GNAT3: variants seen among roughly 807,000 people sequenced by gnomAD.
GNAT3 encodes G protein subunit alpha transducin 3, also known as guanine nucleotide-binding protein G(t) subunit alpha-3.
GNAT3 carries 31 observed loss-of-function variants against 37.7 expected under a neutral mutation model. The ratio of observed to expected loss-of-function variants is 0.82; its 90% confidence interval spans 0.62 to 1.11. The LOEUF (loss-of-function observed/expected upper bound fraction) is 1.11, where lower values mean the gene tolerates loss of function less well. GNAT3 is among the 50% of genes most tolerant of loss of function. The pLI, the probability that GNAT3 is intolerant of heterozygous loss-of-function variation, is 0.00. For missense variants in GNAT3, 437 were observed against 412.5 expected (o/e 1.06, Z -0.51); for synonymous variants, 138 against 139.8 (o/e 0.99, Z 0.09).
rs142644369 is a variant in GNAT3 at position 80,496,226 on chromosome 7, G to A, written c.119-1579C>T. ...GCTCACTGCAACCTTTGCCTCCTGG[G>A]TTCAAGCGATTCTCCTGCCTCAGCC... On this transcript the variant is annotated intron_variant, in intron 1 of 7. Coordinates refer to ENST00000398291, the MANE Select transcript of GNAT3 (RefSeq NM_001102386.3). Among the ~76,000 whole-genome samples the A allele has an allele frequency of 5.0e-3, 763 of 152,276 alleles. 6 individuals carry two copies. The highest frequency in any genetic ancestry group is 0.018 in the African/African-American group (733 of 41,556).
At chr7:80,494,380 C>G (rs1775246041) in intron 2 of GNAT3, among the ~76,000 whole-genome samples, 1 of 152,062 alleles carries the variant, frequency 6.6e-6, no homozygotes, top group Non-Finnish European at 1.5e-5. Context: ...AAGCATTTGT[C>G]TTATTGAGAG....
chr7:80,495,550 A>AC (rs1456298338), intron 1 of GNAT3, among the ~76,000 whole-genome samples: 3 of 150,526 alleles, frequency 2.0e-5, no homozygotes, highest in African/African-American at 7.4e-5. Context: ...GCTCACTGCG[A>AC]CCTCCACCTC....
intron 5 of GNAT3, among the ~76,000 whole-genome samples, chr7:80,472,268 A>G (rs1021386686): frequency 6.6e-6 from 1 of 152,074 alleles, no homozygotes; most frequent in African/African-American, 2.4e-5. Context: ...GTTGACTGAA[A>G]TTGACCATGG....
At chr7:80,459,004 G>A in intron 7 of GNAT3, 143 bp from the exon 8 acceptor site, 4 of 606,086 alleles carry the variant, frequency 6.6e-6, no homozygotes, top group Non-Finnish European at 1.1e-5. Context: ...AATTATCAGG[G>A]TGCTGGGAAC....
intron 5 of GNAT3, among the ~76,000 whole-genome samples, chr7:80,472,809 A>T (rs569411422): frequency 6.6e-6 from 1 of 152,294 alleles, no homozygotes; most frequent in Non-Finnish European, 1.5e-5. Flanking sequence ...CAACAAACTC[A>T]TTAGGCAAGC....
chr7:80,464,046 C>A (rs912094533), intron 5 of GNAT3, among the ~76,000 whole-genome samples: 1 of 151,584 alleles, frequency 6.6e-6, no homozygotes, highest in African/African-American at 2.4e-5. Context: ...ATATGCCAGG[C>A]ACCAAGGATT....
chr7:80,488,151 T>C (rs1790523605), intron 3 of GNAT3, among the ~76,000 whole-genome samples: 2 of 152,162 alleles, frequency 1.3e-5, no homozygotes, highest in Admixed American at 6.6e-5. Context: ...ATAATTGTTA[T>C]GTTATTAAAC....
At chr7:80,498,085 T>C (rs950206731) in intron 1 of GNAT3, among the ~76,000 whole-genome samples, 1 of 152,162 alleles carries the variant, frequency 6.6e-6, no homozygotes, top group Non-Finnish European at 1.5e-5. Context: ...TATATGTTAT[T>C]GACTAGTTGA....
chr7:80,501,745 TGATTA>T (rs750276064), intron 1 of GNAT3, among the ~76,000 whole-genome samples: 16 of 151,956 alleles, frequency 1.1e-4, no homozygotes, highest in Non-Finnish European at 2.4e-4. Flanking sequence ...CTGTATTCTC[TGATTA>T]GATTCAATGT....
intron 1 of GNAT3, among the ~76,000 whole-genome samples, chr7:80,507,835 A>G (rs1023860043): frequency 6.6e-6 from 1 of 152,054 alleles, no homozygotes; most frequent in African/African-American, 2.4e-5. Flanking sequence ...CAGAATATCC[A>G]TTTGTTGAAT....
At chr7:80,477,932 A>G (rs1379825497) in intron 4 of GNAT3, among the ~76,000 whole-genome samples, 3 of 152,188 alleles carry the variant, frequency 2.0e-5, no homozygotes, top group Non-Finnish European at 4.4e-5. Context: ...TAATTTGGTG[A>G]CAGGGTCTTG....
At position 80,462,548 on chromosome 7, in the gene GNAT3, G is replaced by T. The variant is rs768484895; in HGVS notation, c.674C>A (p.Ala225Asp). 11 of 1,613,388 alleles carry T rather than the reference G, an allele frequency of 6.8e-6. No individual in the cohort carries two copies. Among genetic ancestry groups the T allele is most frequent in the East Asian group, 2.2e-5 (1 of 44,856 alleles). The change falls in exon 6 of 8, where the codon GCT becomes GAT. Residue 225 changes from alanine (A) to aspartate (D), a missense_variant. Coordinates refer to ENST00000398291, the MANE Select transcript of GNAT3 (RefSeq NM_001102386.3). ...FEGVTCIIFC[A>D]ALSAYDMVLV... is the part of the protein sequence containing the mutation. ...GACCATGTCATAGGCACTAAGTGCAGCACAAAATATAATGCATGTAACTCC... is the reference window on the plus strand; with the variant it reads ...GACCATGTCATAGGCACTAAGTGCATCACAAAATATAATGCATGTAACTCC...
chr7:80,489,743 A>G (rs570304479), intron 2 of GNAT3, among the ~76,000 whole-genome samples: 47 of 152,262 alleles, frequency 3.1e-4, no homozygotes, highest in African/African-American at 1.1e-3. Context: ...AAGTAAATAA[A>G]ATAGACAAAG....
intron 5 of GNAT3, 76 bp downstream of exon 5, chr7:80,474,175 A>G (rs1485857985): frequency 7.0e-7 from 1 of 1,419,106 alleles, no homozygotes; most frequent in Non-Finnish European, 9.7e-7. Context: ...AACATGGGCT[A>G]GAGCTTTTCT....
chr7:80,469,124 A>G (rs1331093110), intron 5 of GNAT3, among the ~76,000 whole-genome samples: 2 of 152,144 alleles, frequency 1.3e-5, no homozygotes, highest in African/African-American at 4.8e-5. Context: ...CATATGCCAC[A>G]CAAATGACCA....
chr7:80,463,126 A>T (rs765892850), intron 5 of GNAT3, among the ~76,000 whole-genome samples: 1 of 152,174 alleles, frequency 6.6e-6, no homozygotes, highest in Non-Finnish European at 1.5e-5. Context: ...AGATGAAAAG[A>T]TATGGTCCCT....
chr7:80,476,180 C>T (rs1790298969), intron 4 of GNAT3, among the ~76,000 whole-genome samples: 1 of 151,544 alleles, frequency 6.6e-6, no homozygotes, highest in African/African-American at 2.4e-5. Flanking sequence ...CATTTATTTG[C>T]ATGTATGAAT....
chr7:80,489,270 C>G (rs1040201525), intron 2 of GNAT3, among the ~76,000 whole-genome samples: 5 of 152,148 alleles, frequency 3.3e-5, no homozygotes, highest in Non-Finnish European at 7.4e-5. Flanking sequence ...GAACTCTTCT[C>G]TACCTTCCAC....
intron 1 of GNAT3, among the ~76,000 whole-genome samples, chr7:80,497,593 C>CGTATATACATATAA (rs1790748357): frequency 7.6e-6 from 1 of 131,720 alleles, no homozygotes; most frequent in Non-Finnish European, 1.6e-5. Context: ...TATACATATA[C>CGTATATACATATAA]GTATATACAT....
Sources: gnomAD v4.1 joint callset for allele counts (sites outside exome capture counted in the v4.1 genomes callset) on GRCh38, gnomAD v4.1.1 for gene constraint, MANE v1.5 for transcripts, NCBI Gene and HGNC (gene_info 2026-07-23, HGNC 2026-07-21) for gene names.